The following AKR1C8 variants were observed in gnomAD, a reference collection of about 807,000 sequenced individuals.
The protein encoded by AKR1C8 is aldo-keto reductase family 1 member C-like protein 1.
At chr10:5,152,446 A>T in the AKR1C8 span, among the ~76,000 whole-genome samples, 1 of 152,182 alleles carries the variant, frequency 6.6e-6, no homozygotes, top group Non-Finnish European at 1.5e-5. Context: ...GTGACTGTTG[A>T]TGTATAAACT....
chr10:5,176,953 A>C, the AKR1C8 span, among the ~76,000 whole-genome samples: 3 of 152,084 alleles, frequency 2.0e-5, no homozygotes, highest in African/African-American at 7.2e-5. Flanking sequence ...CTCTTTTCCA[A>C]TTGAATACCC....
At chr10:5,123,911 T>C in the AKR1C8 span, 3 of 1,266,430 alleles carry the variant, frequency 2.4e-6, no homozygotes, top group Non-Finnish European at 2.2e-6. Flanking sequence ...AGGAGGTGAA[T>C]AAATATGTGT....
At chr10:5,161,919 T>C in the AKR1C8 span, 1 of 534,608 alleles carries the variant, frequency 1.9e-6, no homozygotes, top group South Asian at 1.4e-5. Context: ...GTTTCTTCAG[T>C]GACCTTTCTA....
chr10:5,118,993 G>A, the AKR1C8 span, among the ~76,000 whole-genome samples: 1 of 151,602 alleles, frequency 6.6e-6, no homozygotes, highest in Non-Finnish European at 1.5e-5. Flanking sequence ...CTTATCAAAT[G>A]TGCGGAAATG....
chr10:5,123,882 G>T, the AKR1C8 span: 1 of 1,491,364 alleles, frequency 6.7e-7, no homozygotes, highest in South Asian at 1.3e-5. Flanking sequence ...AATATAAAAA[G>T]ATTACAGATT....
chr10:5,166,526 A>G, the AKR1C8 span, among the ~76,000 whole-genome samples: 3 of 152,238 alleles, frequency 2.0e-5, no homozygotes, highest in Non-Finnish European at 4.4e-5. Context: ...TGACAAAAAC[A>G]AGAAATGGGG....
At chr10:5,156,073 A>C in the AKR1C8 span, among the ~76,000 whole-genome samples, 2 of 152,214 alleles carry the variant, frequency 1.3e-5, no homozygotes, top group East Asian at 3.9e-4. Flanking sequence ...TAAAATAGAA[A>C]ATAAAGTATG....
the AKR1C8 span, chr10:5,154,440 T>TA: frequency 1.9e-5 from 5 of 262,056 alleles, no homozygotes; most frequent in African/African-American, 1.1e-4. Flanking sequence ...TTTTCCTTTT[T>TA]ATGTTCATTT....
At chr10:5,165,801 A>C in the AKR1C8 span, among the ~76,000 whole-genome samples, 1 of 152,156 alleles carries the variant, frequency 6.6e-6, no homozygotes, top group Non-Finnish European at 1.5e-5. Context: ...CCCAAATCTG[A>C]CTACTGTACA....
chr10:5,155,805 T>G, the AKR1C8 span: 3 of 449,750 alleles, frequency 6.7e-6, no homozygotes, highest in Admixed American at 7.6e-5. Context: ...GGGCAGCAGC[T>G]TCTACATGGG....
At chr10:5,133,205 T>C in the AKR1C8 span, among the ~76,000 whole-genome samples, 1 of 151,984 alleles carries the variant, frequency 6.6e-6, no homozygotes, top group Non-Finnish European at 1.5e-5. Flanking sequence ...GAAACAATCC[T>C]CTCACCTCCG....
the AKR1C8 span, among the ~76,000 whole-genome samples, chr10:5,139,103 G>A: frequency 1.3e-5 from 2 of 152,186 alleles, no homozygotes; most frequent in African/African-American, 4.8e-5. Context: ...TACAAGGGAT[G>A]TGAAGGACCT....
At chr10:5,174,577 C>T in the AKR1C8 span, among the ~76,000 whole-genome samples, 2 of 151,810 alleles carry the variant, frequency 1.3e-5, no homozygotes, top group Non-Finnish European at 2.9e-5. Flanking sequence ...GAGAAATAAC[C>T]ACACCTCTAA....
At chr10:5,118,014 C>A in the AKR1C8 span, among the ~76,000 whole-genome samples, 1 of 152,110 alleles carries the variant, frequency 6.6e-6, no homozygotes, top group Non-Finnish European at 1.5e-5. Flanking sequence ...TTCTTACACG[C>A]AAAATGTAGC....
chr10:5,159,537 T>C, the AKR1C8 span, among the ~76,000 whole-genome samples: 89 of 152,220 alleles, frequency 5.8e-4, no homozygotes, highest in Middle Eastern at 3.4e-3. Context: ...ATCCATGAAC[T>C]TTCCCTAGGA....
chr10:5,151,120 C>G, the AKR1C8 span, among the ~76,000 whole-genome samples: 1 of 151,904 alleles, frequency 6.6e-6, no homozygotes, highest in Admixed American at 6.6e-5. Flanking sequence ...GGCACAAGAC[C>G]GAATGAGCCA....
the AKR1C8 span, chr10:5,159,937 C>A: frequency 5.9e-6 from 3 of 504,212 alleles, no homozygotes; most frequent in South Asian, 2.9e-5. Context: ...TGAGTTCCAG[C>A]AGCTTGTGAT....
At chr10:5,130,222 G>T in the AKR1C8 span, among the ~76,000 whole-genome samples, 2 of 151,740 alleles carry the variant, frequency 1.3e-5, no homozygotes, top group Admixed American at 1.3e-4. Context: ...ATCCGCCATT[G>T]CTTTATGATT....
chr10:5,129,919 G>A, the AKR1C8 span, among the ~76,000 whole-genome samples: 1 of 151,830 alleles, frequency 6.6e-6, no homozygotes, highest in Non-Finnish European at 1.5e-5. Flanking sequence ...ATTATTCTGT[G>A]AAGCCAGTAT....
Sources: gnomAD v4.1 joint callset for allele counts (sites outside exome capture counted in the v4.1 genomes callset) on GRCh38, gnomAD v4.1.1 for gene constraint, MANE v1.5 for transcripts, NCBI Gene and HGNC (gene_info 2026-07-23, HGNC 2026-07-21) for gene names.